MYO9A: variants seen among roughly 807,000 people sequenced by gnomAD.
MYO9A encodes the protein unconventional myosin-IXa.
MYO9A carries 103 observed loss-of-function variants against 293.3 expected under a neutral mutation model. The observed-to-expected ratio is 0.35, with a 90% confidence interval of 0.30 to 0.41. MYO9A has a LOEUF of 0.41. Among genes scored for constraint, MYO9A ranks in the 10% least tolerant of loss-of-function variants. MYO9A has a pLI of 1.00. For missense variants in MYO9A, 2,685 were observed against 3,033.0 expected (o/e 0.89, Z 2.69); for synonymous variants, 1,001 against 1,035.7 (o/e 0.97, Z 0.64).
chr15:71,851,992 G>A (rs909206461), intron 36 of MYO9A, 140 bp downstream of exon 36: 33 of 1,007,304 alleles, frequency 3.3e-5, no homozygotes, highest in Admixed American at 2.6e-4. Flanking sequence ...TATACTAGCC[G>A]TTTTGTATTC....
chr15:71,903,447 C>T (rs185159183), intron 21 of MYO9A, among the ~76,000 whole-genome samples: 34 of 152,320 alleles, frequency 2.2e-4, no homozygotes, highest in Admixed American at 1.4e-3. Context: ...GTCCCAGTAA[C>T]AGCAAAGACT....
chr15:72,066,610 G>A (rs2079030866), intron 1 of MYO9A, among the ~76,000 whole-genome samples: 1 of 152,150 alleles, frequency 6.6e-6, no homozygotes, highest in African/African-American at 2.4e-5. Context: ...CCAGAAGCAT[G>A]GTTTCCTTAG....
At chr15:72,036,090 C>A (rs938981249) in intron 2 of MYO9A, among the ~76,000 whole-genome samples, 4 of 152,028 alleles carry the variant, frequency 2.6e-5, no homozygotes, top group African/African-American at 9.7e-5. Flanking sequence ...TTCAGATATA[C>A]ATAGTTGAAA....
chr15:71,966,616 A>G (rs2075884218), intron 13 of MYO9A, among the ~76,000 whole-genome samples: 1 of 152,250 alleles, frequency 6.6e-6, no homozygotes, highest in South Asian at 2.1e-4. Flanking sequence ...GAGTCCATCA[A>G]TAAAGTCTGT....
At chr15:71,980,169 T>C (rs1254981471) in intron 11 of MYO9A, among the ~76,000 whole-genome samples, 4 of 152,202 alleles carry the variant, frequency 2.6e-5, no homozygotes, top group Non-Finnish European at 4.4e-5. Flanking sequence ...CTGCTCTTAA[T>C]TCTAATATTT....
intron 13 of MYO9A, among the ~76,000 whole-genome samples, chr15:71,964,509 C>T (rs1467737892): frequency 2.7e-5 from 4 of 150,710 alleles, no homozygotes; most frequent in African/African-American, 7.3e-5. Context: ...TGGCTGGGCG[C>T]GATGGCTCAC....
chr15:72,096,536 G>C (rs938440058), intron 1 of MYO9A, among the ~76,000 whole-genome samples: 1 of 152,052 alleles, frequency 6.6e-6, no homozygotes, highest in African/African-American at 2.4e-5. Flanking sequence ...GTTACCCAAG[G>C]GCTCTGTTAA....
At chr15:72,111,730 A>G (rs1362608043) in intron 1 of MYO9A, among the ~76,000 whole-genome samples, 1 of 150,818 alleles carries the variant, frequency 6.6e-6, no homozygotes, top group Non-Finnish European at 1.5e-5. Flanking sequence ...TCGACCTCCC[A>G]GGTTCAAGTG....
chr15:71,971,457 T>C (rs2076008652), intron 12 of MYO9A, among the ~76,000 whole-genome samples: 1 of 151,354 alleles, frequency 6.6e-6, no homozygotes, highest in African/African-American at 2.4e-5. Flanking sequence ...CGTGGTGGTA[T>C]GTGCCTGTAG....
chr15:72,062,108 A>C (rs757939309), intron 1 of MYO9A, among the ~76,000 whole-genome samples: 3 of 152,250 alleles, frequency 2.0e-5, no homozygotes, highest in Non-Finnish European at 4.4e-5. Context: ...TACCTCTACG[A>C]GTCTGCAAAA....
At chr15:71,974,819 T>G (rs556085689) in intron 12 of MYO9A, among the ~76,000 whole-genome samples, 96 of 152,330 alleles carry the variant, frequency 6.3e-4, no homozygotes, top group African/African-American at 2.1e-3. Flanking sequence ...GAGGAGGTAC[T>G]TGCTAGACTA....
intron 18 of MYO9A, among the ~76,000 whole-genome samples, chr15:71,923,966 T>C (rs748314445): frequency 6.6e-6 from 1 of 152,152 alleles, no homozygotes; most frequent in Non-Finnish European, 1.5e-5. Flanking sequence ...TCTCACTTAC[T>C]AACGTAGACA....
intron 18 of MYO9A, among the ~76,000 whole-genome samples, chr15:71,917,428 G>A (rs959237289): frequency 2.6e-5 from 4 of 152,198 alleles, no homozygotes; most frequent in East Asian, 1.9e-4. Flanking sequence ...CCAGCTACTC[G>A]GGAGGCTGAG....
chr15:71,941,353 C>G (rs2929510), intron 15 of MYO9A, among the ~76,000 whole-genome samples: 99,882 of 151,948 alleles, frequency 0.66, 33,677 homozygotes, highest in Middle Eastern at 0.74. Context: ...GAGAATCGCT[C>G]AAACCCAGAA....
At chr15:71,892,486 A>G (rs2057206133) in intron 26 of MYO9A, 1 of 152,380 alleles carries the variant, frequency 6.6e-6, no homozygotes, top group Non-Finnish European at 1.5e-5. Flanking sequence ...TCAGTAAACT[A>G]TGGCCAACAG....
At chr15:71,874,155 G>A (rs1429847622) in intron 32 of MYO9A, among the ~76,000 whole-genome samples, 1 of 152,176 alleles carries the variant, frequency 6.6e-6, no homozygotes, top group Non-Finnish European at 1.5e-5. Flanking sequence ...CAGTCAGATC[G>A]CACTTCTAAC....
At chr15:71,977,330 G>C (rs1322580282) in intron 12 of MYO9A, among the ~76,000 whole-genome samples, 1 of 152,108 alleles carries the variant, frequency 6.6e-6, no homozygotes, top group Non-Finnish European at 1.5e-5. Context: ...TCTGCCTCCT[G>C]GGTTCAAGCG....
Position 71,851,333 on chromosome 15 carries a change from G to T in MYO9A, c.6501C>A (p.Ile2167=), listed in dbSNP as rs555044190. ...AMGLQERKET[I]RGVYSVIDQL... is the part of the protein sequence containing the mutation. ...GATCAATCACAGAGTATACACCACG[G>T]ATTGTCTCCTTCCTCTCCTGAAGGC... Residue 2167 remains isoleucine, a synonymous_variant, in exon 37 of 42, where the codon ATC becomes ATA. Coordinates refer to ENST00000356056, the MANE Select transcript of MYO9A (RefSeq NM_006901.4). 3.1e-6 allele frequency: 5 copies of T among 1,613,648 alleles called. No homozygotes were observed. Among genetic ancestry groups the T allele is most frequent in the Non-Finnish European group, 3.4e-6 (4 of 1,179,824 alleles).
intron 3 of MYO9A, among the ~76,000 whole-genome samples, chr15:72,028,218 A>AATAAATAT (rs1555408276): frequency 2.0e-4 from 27 of 134,244 alleles, no homozygotes; most frequent in Non-Finnish European, 2.5e-4. Flanking sequence ...TAAATAAATA[A>AATAAATAT]ATATATATAT....
Sources: gnomAD v4.1 joint callset for allele counts (sites outside exome capture counted in the v4.1 genomes callset) on GRCh38, gnomAD v4.1.1 for gene constraint, MANE v1.5 for transcripts, NCBI Gene and HGNC (gene_info 2026-07-23, HGNC 2026-07-21) for gene names.